Variants in GLRA1 observed in about 807,000 individuals in gnomAD.
GLRA1 encodes the protein glycine receptor alpha 1.
A neutral mutation model predicts 48.3 loss-of-function variants in GLRA1; 37 were observed. The observed-to-expected ratio is 0.77, with a 90% CI of 0.59 to 1.01. The LOEUF (loss-of-function observed/expected upper bound fraction) is 1.01, where lower values mean the gene tolerates loss of function less well. GLRA1 is among the 50% of genes least tolerant of loss of function. GLRA1 has a pLI of 0.00. For synonymous variants in GLRA1, 196 were observed against 210.7 expected, an observed-to-expected ratio of 0.93 and a Z score of 0.60; for missense variants, 427 against 571.0, an observed-to-expected ratio of 0.75 and a Z score of 2.57.
chr5:151,881,999 G>A (rs1413431271), intron 3 of GLRA1, among the ~76,000 whole-genome samples: 3 of 152,170 alleles, frequency 2.0e-5, no homozygotes, highest in Non-Finnish European at 4.4e-5. Flanking sequence ...TGGAGAGGCA[G>A]AACCCAGGCT....
At chr5:151,845,091 T>C (rs950960829) in intron 7 of GLRA1, among the ~76,000 whole-genome samples, 20 of 152,322 alleles carry the variant, frequency 1.3e-4, no homozygotes, top group African/African-American at 4.8e-4. Context: ...GTTTGTTACA[T>C]AGGTGTATTA....
chr5:151,842,689 G>A (rs943181581), intron 7 of GLRA1, among the ~76,000 whole-genome samples: 3 of 152,176 alleles, frequency 2.0e-5, no homozygotes, highest in African/African-American at 7.2e-5. Context: ...CCAGGAATGA[G>A]ACAGGAATAT....
rs1469260393 is a variant in GLRA1, at chr5:151,849,250, C to CTT, written c.912+2139_912+2140insAA. ...CCTTCCTTCCTTCCTTCCTTCCTTC[C>CTT]CTTCTTTCTTTCTCTCTCTCTCTCT... On this transcript the variant is annotated intron_variant, in intron 7 of 8. Transcript: ENST00000274576. Among the ~76,000 whole-genome samples the CTT allele has an allele frequency of 6.9e-3, 598 of 86,826 alleles. 40 individuals carry two copies. Among genetic ancestry groups the CTT allele is most frequent in the African/African-American group, 0.03 (554 of 18,738 alleles). 57.0% of individuals were successfully genotyped at this position (86,826 alleles called of 152,430 possible).
chr5:151,924,821 TC>T lies in GLRA1; in HGVS notation c.-273del, dbSNP rs1470661787. The T allele has an allele frequency of 3.7e-6, 2 of 537,134 alleles. No homozygotes were observed. The highest frequency in any genetic ancestry group is 6.5e-5 in the East Asian group (2 of 30,822). 33.3% of individuals were successfully genotyped at this position (537,134 alleles called of 1,614,324 possible). On this transcript the variant is annotated 5_prime_UTR_variant, in exon 1 of 9. Coordinates refer to ENST00000274576, the MANE Select transcript of GLRA1 (RefSeq NM_000171.4). Reference sequence around the variant, plus strand: ...CGAAGAGTATTGCTGTTTGTTAAACTCCAGCGTGTCTGTTGGCTCCCTGCGG... The same window carrying T: ...CGAAGAGTATTGCTGTTTGTTAAACTCAGCGTGTCTGTTGGCTCCCTGCGG...
rs533516974 is a variant in GLRA1 at position 151,868,605 on chromosome 5, TTGAG to T, written c.253-8601_253-8598del. Among the ~76,000 whole-genome samples the T allele has an allele frequency of 2.6e-5, 4 of 152,330 alleles. No individual in the cohort carries two copies. The East Asian group carries it at 7.7e-4, about 29-fold the overall frequency. On this transcript the variant is annotated intron_variant, in intron 3 of 8. Coordinates refer to ENST00000274576, the MANE Select transcript of GLRA1 (RefSeq NM_000171.4). ...CTACCCATGATATCCCAGATATGAATTGAGTGACAGTTTGATGACACCTCAGTGT... is the reference window on the plus strand; with the variant it reads ...CTACCCATGATATCCCAGATATGAATTGACAGTTTGATGACACCTCAGTGT...
At chr5:151,923,410 G>A (rs1393696069) in intron 1 of GLRA1, among the ~76,000 whole-genome samples, 3 of 152,124 alleles carry the variant, frequency 2.0e-5, no homozygotes, top group Non-Finnish European at 2.9e-5. Flanking sequence ...ATTTGGGGTG[G>A]GTTTTTCAAA....
chr5:151,895,039 G>A (rs7349787), intron 1 of GLRA1, among the ~76,000 whole-genome samples: 64,396 of 151,954 alleles, frequency 0.42, 14,212 homozygotes, highest in East Asian at 0.58. Flanking sequence ...TGTGATGTGG[G>A]TGGGTTTCTA....
At chr5:151,850,356 G>T in intron 7 of GLRA1, 1 of 1,417,656 alleles carries the variant, frequency 7.1e-7, no homozygotes, top group Non-Finnish European at 1.0e-6. Flanking sequence ...TTTGCATCAT[G>T]TATGTGAAGA....
At chr5:151,889,838 C>G (rs951760886) in intron 2 of GLRA1, among the ~76,000 whole-genome samples, 2 of 152,056 alleles carry the variant, frequency 1.3e-5, no homozygotes, top group African/African-American at 2.4e-5. Context: ...GGCCTCAGTA[C>G]AAAGGAGGGC....
intron 7 of GLRA1, among the ~76,000 whole-genome samples, chr5:151,831,672 A>G (rs967330665): frequency 1.3e-5 from 2 of 152,180 alleles, no homozygotes; most frequent in African/African-American, 4.8e-5. Context: ...AGATAAAACT[A>G]CCAACTCTCT....
chr5:151,857,446 A>G (rs28551068), intron 4 of GLRA1, among the ~76,000 whole-genome samples: 3,079 of 152,262 alleles, frequency 0.02, 98 homozygotes, highest in African/African-American at 0.071. Flanking sequence ...ACTCTTCTGC[A>G]TAGCCCTCAG....
chr5:151,845,942 G>C (rs1217614817), intron 7 of GLRA1, among the ~76,000 whole-genome samples: 1 of 152,152 alleles, frequency 6.6e-6, no homozygotes, highest in African/African-American at 2.4e-5. Context: ...TACACTAAAT[G>C]AAAGAAGCCA....
intron 3 of GLRA1, among the ~76,000 whole-genome samples, chr5:151,881,765 T>C (rs543687935): frequency 7.8e-4 from 119 of 152,250 alleles, no homozygotes; most frequent in African/African-American, 2.8e-3. Context: ...TAGAGACCCC[T>C]GTTGCTTTGC....
chr5:151,885,746 A>T (rs1390437422), intron 3 of GLRA1, among the ~76,000 whole-genome samples: 1 of 152,216 alleles, frequency 6.6e-6, no homozygotes, highest in East Asian at 1.9e-4. Context: ...GAGCCTCCTC[A>T]GCTTTGCAAA....
At chr5:151,869,775 C>G (rs1432172040) in intron 3 of GLRA1, among the ~76,000 whole-genome samples, 3 of 149,660 alleles carry the variant, frequency 2.0e-5, no homozygotes, top group Admixed American at 1.3e-4. Flanking sequence ...TTTCATCAAC[C>G]TAGCATACTG....
rs1754987151 is a variant in GLRA1, at chr5:151,924,846, G to A, written c.-297C>T. ...TCCAGCGTGTCTGTTGGCTCCCTGC[G>A]GCGCTGGGGAGGCACGTTTGGGGGT... On this transcript the variant is annotated 5_prime_UTR_variant, in exon 1 of 9. Transcript: ENST00000274576. 1 of 519,244 alleles carries A rather than the reference G, an allele frequency of 1.9e-6. No individual in the cohort carries two copies. Among genetic ancestry groups the A allele is most frequent in the Non-Finnish European group, 3.4e-6 (1 of 290,114 alleles). The allele number at this position is 519,244 out of a possible 1,614,324, so 32.2% of individuals were successfully genotyped here.
intron 6 of GLRA1, among the ~76,000 whole-genome samples, chr5:151,854,309 G>A (rs912031379): frequency 6.6e-6 from 1 of 152,198 alleles, no homozygotes; most frequent in Admixed American, 6.5e-5. Flanking sequence ...CAGAGCCTAC[G>A]ATGGTTTCTC....
rs143160409 is a variant in GLRA1, at chr5:151,863,408, G to A, written c.253-3400C>T. ...ACTGCACTCCAGCCTGGGTGACAGA[G>A]TGAGACCCTGTCACAAACAAATAAA... On this transcript the variant is annotated intron_variant, in intron 3 of 8. Coordinates refer to ENST00000274576, the MANE Select transcript of GLRA1 (RefSeq NM_000171.4). Among the ~76,000 whole-genome samples the A allele has an allele frequency of 9.1e-3, 1,393 of 152,246 alleles. 20 individuals carry two copies. The highest frequency in any genetic ancestry group is 0.031 in the African/African-American group (1,300 of 41,538).
At chr5:151,903,915 T>C (rs1754418704) in intron 1 of GLRA1, among the ~76,000 whole-genome samples, 1 of 152,240 alleles carries the variant, frequency 6.6e-6, no homozygotes, top group African/African-American at 2.4e-5. Flanking sequence ...GCAGAGCTGA[T>C]ACATAAATCT....
Sources: gnomAD v4.1 joint callset for allele counts (sites outside exome capture counted in the v4.1 genomes callset) on GRCh38, gnomAD v4.1.1 for gene constraint, MANE v1.5 for transcripts, NCBI Gene and HGNC (gene_info 2026-07-23, HGNC 2026-07-21) for gene names.